The following CFAP74 variants were observed in gnomAD, a reference collection of about 807,000 sequenced individuals.
The protein encoded by CFAP74 is cilia and flagella associated protein 74, also known as cilia- and flagella-associated protein 74.
A neutral mutation model predicts 188.9 loss-of-function variants in CFAP74; 124 were observed. The observed-to-expected ratio is 0.66, with a 90% CI of 0.57 to 0.76. The LOEUF (loss-of-function observed/expected upper bound fraction) is 0.76, where lower values mean the gene tolerates loss of function less well. Ranked by LOEUF, CFAP74 falls within the 30% of genes least tolerant of loss-of-function variation. CFAP74 has a pLI of 0.00. For synonymous variants in CFAP74, 956 were observed against 916.7 expected (o/e 1.04, Z -0.77); for missense variants, 2,198 against 2,165.2 (o/e 1.02, Z -0.30).
chr1:1,944,010 G>C (rs1260622165), intron 21 of CFAP74, among the ~76,000 whole-genome samples: 1 of 152,174 alleles, frequency 6.6e-6, no homozygotes, highest in Admixed American at 6.5e-5. Context: ...CGCCTCCCGT[G>C]ATGACACTGG....
intron 25 of CFAP74, among the ~76,000 whole-genome samples, chr1:1,931,829 G>A (rs980396341): frequency 1.5e-4 from 22 of 151,148 alleles, no homozygotes; most frequent in Non-Finnish European, 2.1e-4. Context: ...TTGGGAGACC[G>A]AGGCGGGTGG....
In CFAP74 at chr1:1,939,626, G is replaced by C; in HGVS notation, c.2845C>G (p.Pro949Ala). Residue 949 changes from proline to alanine, a missense_variant, in exon 24 of 39, where the codon CCC (proline) becomes GCC (alanine). Transcript: ENST00000682832. ...AGCCTGACGAACCCGAACTCCTGGG[G>C]CAGGAGCGAGTGGTTGTGGAGGCTG... ...EISLHNHSLL[P>A]QEFGFVRLPK... is the part of the protein sequence containing the mutation. 4 of 1,536,076 alleles carry C rather than the reference G, an allele frequency of 2.6e-6. No individual in the cohort carries two copies. The highest frequency in any genetic ancestry group is 3.5e-6 in the Non-Finnish European group (4 of 1,146,866).
intron 26 of CFAP74, among the ~76,000 whole-genome samples, chr1:1,929,619 C>T (rs1652199725): frequency 6.6e-6 from 1 of 151,854 alleles, no homozygotes; most frequent in African/African-American, 2.4e-5. Flanking sequence ...CTCAGGGTCA[C>T]CCGAAGGCCC....
At chr1:1,971,299 T>TCACACATG (rs1347176624) in intron 9 of CFAP74, among the ~76,000 whole-genome samples, 1 of 132,826 alleles carries the variant, frequency 7.5e-6, no homozygotes, top group East Asian at 2.5e-4. Context: ...ACATACACGC[T>TCACACATG]CACACATGCA....
chr1:1,991,854 A>T (rs1357522589), intron 1 of CFAP74, among the ~76,000 whole-genome samples: 83 of 152,006 alleles, frequency 5.5e-4, no homozygotes, highest in East Asian at 1.2e-3. Context: ...CCTGGCTAGC[A>T]CAGTGAAACC....
intron 25 of CFAP74, among the ~76,000 whole-genome samples, chr1:1,930,587 G>A (rs1438109507): frequency 2.6e-5 from 4 of 152,144 alleles, no homozygotes; most frequent in Non-Finnish European, 4.4e-5. Context: ...ATGGAGTCTC[G>A]CTCTGTTGCC....
At chr1:1,987,335 T>A (rs1443216710) in intron 4 of CFAP74, among the ~76,000 whole-genome samples, 1 of 152,006 alleles carries the variant, frequency 6.6e-6, no homozygotes, top group Non-Finnish European at 1.5e-5. Context: ...CACTCCTGCG[T>A]GTGAAGGGCA....
chr1:1,948,966 CTTCCTCCT>C (rs1654005257), intron 18 of CFAP74, among the ~76,000 whole-genome samples: 2 of 139,850 alleles, frequency 1.4e-5, no homozygotes, highest in Non-Finnish European at 3.1e-5. Flanking sequence ...TACTCCCTTC[CTTCCTCCT>C]TCCCTCCCTC....
chr1:1,939,475 A>T (rs1653206132), intron 24 of CFAP74, 119 bp downstream of exon 24: 1 of 970,438 alleles, frequency 1.0e-6, no homozygotes, highest in Non-Finnish European at 1.5e-6. Context: ...TGCAGCTGAG[A>T]GGCGGAAGTT....
At chr1:1,941,010 G>A (rs1237064450) in intron 22 of CFAP74, among the ~76,000 whole-genome samples, 3 of 152,204 alleles carry the variant, frequency 2.0e-5, no homozygotes. Flanking sequence ...CTACTCGGGA[G>A]GCTGAGGCAG....
chr1:1,956,498 A>C, intron 17 of CFAP74, 122 bp downstream of exon 17: 3 of 1,208,944 alleles, frequency 2.5e-6, no homozygotes, highest in Non-Finnish European at 3.6e-6. Flanking sequence ...AGGCCCCCAC[A>C]CTGCCCTCCT....
chr1:1,989,762 G>A (rs757543966), intron 2 of CFAP74, among the ~76,000 whole-genome samples: 18 of 152,304 alleles, frequency 1.2e-4, no homozygotes, highest in East Asian at 1.9e-4. Flanking sequence ...CACCCGGCCC[G>A]TGTTAGGATA....
At chr1:1,991,678 T>A (rs1489351525) in intron 1 of CFAP74, among the ~76,000 whole-genome samples, 1 of 152,136 alleles carries the variant, frequency 6.6e-6, no homozygotes, top group East Asian at 1.9e-4. Flanking sequence ...TGTGAAACTG[T>A]GTAACATCAG....
At chr1:1,964,830 G>T in intron 13 of CFAP74, 58 bp downstream of exon 13, 1 of 1,587,184 alleles carries the variant, frequency 6.3e-7, no homozygotes, top group Non-Finnish European at 8.6e-7. Flanking sequence ...CTGCGGCAGG[G>T]CTCCCCTGCT....
chr1:1,943,335 G>A (rs1013242387), intron 21 of CFAP74, among the ~76,000 whole-genome samples: 2 of 152,200 alleles, frequency 1.3e-5, no homozygotes, highest in Non-Finnish European at 2.9e-5. Flanking sequence ...GCTGGCTCCC[G>A]GGTCACCGCA....
chr1:1,979,957 C>T (rs1380440886), intron 6 of CFAP74, among the ~76,000 whole-genome samples: 2 of 151,186 alleles, frequency 1.3e-5, no homozygotes, highest in Non-Finnish European at 2.9e-5. Flanking sequence ...CGCTCACGGC[C>T]TGCCTCCCAC....
intron 1 of CFAP74, among the ~76,000 whole-genome samples, chr1:1,991,258 C>T (rs991228537): frequency 4.6e-5 from 7 of 151,854 alleles, no homozygotes; most frequent in African/African-American, 1.7e-4. Context: ...GGTGGATCAC[C>T]TGAGGTCAGG....
In CFAP74 at chr1:1,926,722, C is replaced by T. The variant is rs78807865; in HGVS notation, c.3702G>A (p.Thr1234=). The T allele has an allele frequency of 0.078, 120,548 of 1,549,966 alleles. 11,601 individuals carry two copies. The highest frequency in any genetic ancestry group is 0.41 in the African/African-American group (29,633 of 73,058). Residue 1234 remains threonine, a synonymous_variant, in exon 30 of 39, where the codon ACG becomes ACA. Transcript: ENST00000682832. ...ACGTCACCACAACAGATGGTGCCAC[C>T]GTCGGGCACCACAGCTCCAGGTACA... ...NTLYLELWCP[T]VAPSVVVTSH...
At chr1:1,981,903 A>C (rs1570971197) in intron 6 of CFAP74, among the ~76,000 whole-genome samples, 1 of 68,056 alleles carries the variant, frequency 1.5e-5, no homozygotes, top group Non-Finnish European at 2.8e-5. Flanking sequence ...GCGGACAGAC[A>C]CGGGGGCACG....
Sources: gnomAD v4.1 joint callset for allele counts (sites outside exome capture counted in the v4.1 genomes callset) on GRCh38, gnomAD v4.1.1 for gene constraint, MANE v1.5 for transcripts, NCBI Gene and HGNC (gene_info 2026-07-23, HGNC 2026-07-21) for gene names.